The following PRKG1 variants were observed in gnomAD, a reference collection of about 807,000 sequenced individuals.
PRKG1 encodes protein kinase cGMP-dependent 1.
PRKG1 carries 35 observed loss-of-function variants against 88.1 expected under a neutral mutation model. The observed-to-expected ratio is 0.40, with a 90% confidence interval of 0.30 to 0.53. The LOEUF (loss-of-function observed/expected upper bound fraction) is 0.53. Among genes scored for constraint, PRKG1 ranks in the 20% least tolerant of loss-of-function variants. The pLI is 0.59. For missense variants in PRKG1, 540 were observed against 839.8 expected (o/e 0.64, Z 4.41); for synonymous variants, 303 against 292.5 (o/e 1.04, Z -0.37).
At chr10:51,873,358 C>T (rs998755494) in intron 4 of PRKG1, among the ~76,000 whole-genome samples, 2 of 151,920 alleles carry the variant, frequency 1.3e-5, no homozygotes, top group Admixed American at 6.6e-5. Flanking sequence ...TTGGACTCAG[C>T]CTCTACCCTA....
chr10:51,338,081 C>A lies in PRKG1; in HGVS notation c.479-129642C>A, dbSNP rs138740731. Among the ~76,000 whole-genome samples the A allele has an allele frequency of 1.9e-4, 28 of 151,316 alleles. No individual in the cohort carries two copies. In the East Asian group the frequency reaches 4.9e-3, roughly 26 times the overall value. On this transcript the variant is annotated intron_variant, in intron 2 of 17. Coordinates refer to ENST00000373980, the MANE Select transcript of PRKG1 (RefSeq NM_006258.4). ...ATACTATGCAGCCATATGGAGCTAG[C>A]AGCCATTATCCTCAGCAAACTAATG...
intron 2 of PRKG1, among the ~76,000 whole-genome samples, chr10:51,328,437 C>T (rs978690094): frequency 1.3e-5 from 2 of 152,182 alleles, no homozygotes; most frequent in African/African-American, 4.8e-5. Flanking sequence ...CTGCAATGAA[C>T]ACGGAAGTGC....
chr10:52,277,231 G>A (rs1389240622), intron 12 of PRKG1, among the ~76,000 whole-genome samples: 1 of 151,830 alleles, frequency 6.6e-6, no homozygotes, highest in Admixed American at 6.6e-5. Context: ...TGAGAAGCAT[G>A]GGGAAAGTGA....
chr10:51,860,181 A>C (rs1158399178), intron 4 of PRKG1, among the ~76,000 whole-genome samples: 1 of 152,196 alleles, frequency 6.6e-6, no homozygotes, highest in Non-Finnish European at 1.5e-5. Flanking sequence ...CTTAATCATG[A>C]GACTTTTATT....
chr10:51,840,358 G>A (rs188987241), intron 4 of PRKG1, among the ~76,000 whole-genome samples: 1 of 151,674 alleles, frequency 6.6e-6, no homozygotes, highest in Admixed American at 6.6e-5. Context: ...TAGAGGTAAT[G>A]CCTTTACAAT....
At chr10:51,410,258 GTA>G (rs1554805783) in intron 2 of PRKG1, among the ~76,000 whole-genome samples, 83 of 145,532 alleles carry the variant, frequency 5.7e-4, no homozygotes, top group Admixed American at 4.1e-3. Context: ...GTGTGTGTGT[GTA>G]TATATATATA....
At chr10:51,936,256 C>A (rs547263981) in intron 5 of PRKG1, among the ~76,000 whole-genome samples, 4 of 152,016 alleles carry the variant, frequency 2.6e-5, no homozygotes, top group South Asian at 4.1e-4. Context: ...ATTTATGTGC[C>A]ATTATTATGA....
intron 1 of PRKG1, among the ~76,000 whole-genome samples, chr10:51,033,701 T>G (rs374130851): frequency 1.3e-5 from 2 of 152,136 alleles, no homozygotes; most frequent in Admixed American, 1.3e-4. Flanking sequence ...GCATTAGTGA[T>G]GAAAATTACT....
intron 5 of PRKG1, among the ~76,000 whole-genome samples, chr10:51,915,814 A>C (rs556434546): frequency 1.3e-5 from 2 of 152,298 alleles, no homozygotes; most frequent in East Asian, 1.9e-4. Flanking sequence ...CTTTCTCCAA[A>C]GAAGATACAC....
chr10:51,374,788 T>C (rs1225980011), intron 2 of PRKG1, among the ~76,000 whole-genome samples: 1 of 152,214 alleles, frequency 6.6e-6, no homozygotes, highest in Non-Finnish European at 1.5e-5. Context: ...TATTTTGTTG[T>C]AGAAGCATGA....
Position 52,036,000 on chromosome 10 carries a change from T to G in PRKG1, c.763-18484T>G, listed in dbSNP as rs1352970281. Among the ~76,000 whole-genome samples the G allele has an allele frequency of 5.9e-5, 9 of 152,006 alleles. No homozygotes were observed. In the East Asian group the frequency reaches 1.7e-3, roughly 29 times the overall value. ...GAGTTGTTGTTTTGTAGAAGGTGCT[T>G]GGGTTTGAGAGATTAGTCGGACATG... is the stretch of plus-strand genomic sequence containing the variant. On this transcript the variant is annotated intron_variant, in intron 5 of 17. Transcript: ENST00000373980.
intron 5 of PRKG1, among the ~76,000 whole-genome samples, chr10:52,024,094 G>T (rs1479163680): frequency 6.6e-6 from 1 of 152,008 alleles, no homozygotes; most frequent in Non-Finnish European, 1.5e-5. Context: ...TTTGTATAAG[G>T]TGTGAGGAAG....
intron 2 of PRKG1, among the ~76,000 whole-genome samples, chr10:51,361,402 A>T (rs1003214587): frequency 2.6e-5 from 4 of 151,942 alleles, no homozygotes; most frequent in African/African-American, 9.7e-5. Context: ...AACTTAATTG[A>T]CACCCACATA....
chr10:51,505,431 T>A (rs1384467702), intron 3 of PRKG1, among the ~76,000 whole-genome samples: 1 of 152,174 alleles, frequency 6.6e-6, no homozygotes, highest in African/African-American at 2.4e-5. Flanking sequence ...TCTAAAATTC[T>A]CTTTTTTTGT....
intron 9 of PRKG1, among the ~76,000 whole-genome samples, chr10:52,222,913 G>A (rs1840282070): frequency 6.6e-6 from 1 of 151,970 alleles, no homozygotes; most frequent in Admixed American, 6.6e-5. Flanking sequence ...TGTCCTATAG[G>A]CTAACCCAGT....
At chr10:51,933,737 A>G (rs1209498754) in intron 5 of PRKG1, among the ~76,000 whole-genome samples, 1 of 152,138 alleles carries the variant, frequency 6.6e-6, no homozygotes, top group Non-Finnish European at 1.5e-5. Flanking sequence ...AGGATTAAAT[A>G]AAATGATTAG....
At chr10:51,440,697 G>A (rs1474843189) in intron 2 of PRKG1, among the ~76,000 whole-genome samples, 1 of 151,884 alleles carries the variant, frequency 6.6e-6, no homozygotes, top group Non-Finnish European at 1.5e-5. Context: ...GTTGCTACAA[G>A]CCAGAAGGTC....
intron 5 of PRKG1, among the ~76,000 whole-genome samples, chr10:52,032,858 T>C (rs543337274): frequency 5.3e-5 from 8 of 152,274 alleles, no homozygotes; most frequent in Non-Finnish European, 7.4e-5. Context: ...CGTGTTTAAA[T>C]GGTAAAGGTC....
At chr10:51,729,735 G>T (rs1451016737) in intron 3 of PRKG1, among the ~76,000 whole-genome samples, 1 of 95,592 alleles carries the variant, frequency 1.0e-5, no homozygotes, top group Non-Finnish European at 2.3e-5. Flanking sequence ...AAAAAAAAAA[G>T]GATGAGAAAA....
Sources: allele counts gnomAD v4.1 joint callset (sites outside exome capture counted in the v4.1 genomes callset), GRCh38; gene constraint gnomAD v4.1.1; transcripts MANE v1.5; gene names NCBI Gene and HGNC (gene_info 2026-07-23, HGNC 2026-07-21).